Variants in THSD7A observed in about 807,000 individuals in gnomAD.
The protein encoded by THSD7A is thrombospondin type 1 domain containing 7A, also known as thrombospondin type-1 domain-containing protein 7A.
Under a neutral mutation model 231.3 loss-of-function variants are expected in THSD7A, and 96 were observed. That is an observed-to-expected ratio of 0.41 (90% confidence interval 0.35 to 0.49). The LOEUF (loss-of-function observed/expected upper bound fraction) is 0.49. Ranked by LOEUF, THSD7A falls within the 20% of genes least tolerant of loss-of-function variation. The probability of loss-of-function intolerance (pLI) is 0.05; values close to 1 mark genes in which losing one functional copy is unlikely to be tolerated. For synonymous variants in THSD7A, 940 were observed against 743.3 expected (o/e 1.26, Z -4.30); for missense variants, 2,290 against 2,070.2 (o/e 1.11, Z -2.06).
At chr7:11,781,023 A>T (rs1307958500) in intron 1 of THSD7A, among the ~76,000 whole-genome samples, 2 of 146,328 alleles carry the variant, frequency 1.4e-5, no homozygotes, top group African/African-American at 5.1e-5. Context: ...AAAAAAAAAA[A>T]AAAAAAAAAA....
chr7:11,821,431 A>G (rs1441465591), intron 1 of THSD7A: 2 of 291,438 alleles, frequency 6.9e-6, no homozygotes, highest in Non-Finnish European at 1.3e-5. Flanking sequence ...TTAGGCATAT[A>G]TAGTAATATT....
chr7:11,757,519 C>A (rs944067161), intron 1 of THSD7A, among the ~76,000 whole-genome samples: 1 of 151,882 alleles, frequency 6.6e-6, no homozygotes, highest in African/African-American at 2.4e-5. Flanking sequence ...CAGATCTAGC[C>A]CTGTAAATCC....
chr7:11,636,479 G>A lies in THSD7A; in HGVS notation c.673C>T (p.Pro225Ser), dbSNP rs1188725285. Residue 225 changes from proline to serine, a missense_variant, in exon 2 of 28, where the codon CCG becomes TCG. Pro to Ser is a moderately conservative substitution (Grantham distance 74, BLOSUM62 -1). Coordinates refer to ENST00000423059, the MANE Select transcript of THSD7A (RefSeq NM_015204.3). This position sits in a 1 kb window ranked among gnomAD's most constrained non-coding sequence, Gnocchi z 10.0. ...GGACAGCCAGAGCCTCCGAACTGCG[G>A]GGGCGCCACCACATGACGCGTCCGG... ...QHRTRHVVAP[P>S]QFGGSGCPNL... The A allele has an allele frequency of 5.0e-6, 8 of 1,613,714 alleles. No homozygotes were observed. The highest frequency in any genetic ancestry group is 6.8e-6 in the Non-Finnish European group (8 of 1,179,836).
chr7:11,624,141 C>T (rs1360883441), intron 2 of THSD7A, among the ~76,000 whole-genome samples: 1 of 152,058 alleles, frequency 6.6e-6, no homozygotes, highest in Non-Finnish European at 1.5e-5. Flanking sequence ...TGAATTTCCA[C>T]TTGAGTTGAT....
intron 1 of THSD7A, among the ~76,000 whole-genome samples, chr7:11,805,442 C>T (rs182145673): frequency 1.3e-3 from 192 of 152,138 alleles, no homozygotes; most frequent in Admixed American, 7.8e-3. Flanking sequence ...CAAAAATCTA[C>T]ACAGATTTTA....
intron 23 of THSD7A, among the ~76,000 whole-genome samples, chr7:11,395,063 C>A (rs1783128782): frequency 2.0e-5 from 3 of 151,762 alleles, no homozygotes; most frequent in Admixed American, 2.0e-4. Flanking sequence ...GGGCTATATT[C>A]AGGTGACCCA....
rs6960060 is a variant in THSD7A at position 11,581,988 on chromosome 7, G to A, written c.1453+8472C>T. 5.4e-3 allele frequency among the ~76,000 whole-genome samples: 826 copies of A among 152,112 alleles called. 10 individuals are homozygous for A. Among genetic ancestry groups the A allele is most frequent in the African/African-American group, 0.019 (776 of 41,528 alleles). On this transcript the variant is annotated intron_variant, in intron 4 of 27. Coordinates refer to ENST00000423059, the MANE Select transcript of THSD7A (RefSeq NM_015204.3). ...CTTAGTTTGGTCACTGTAAACATTT[G>A]TAATACAGCTGATTTGTCTCTCAGA... is the stretch of plus-strand genomic sequence containing the variant.
chr7:11,593,272 C>G lies in THSD7A; in HGVS notation c.1253G>C (p.Gly418Ala), dbSNP rs567116206. The G allele has an allele frequency of 1.9e-6, 3 of 1,613,980 alleles. No homozygotes were observed. The highest frequency in any genetic ancestry group is 2.2e-5 in the South Asian group (2 of 91,078). Residue 418 changes from glycine to alanine, a missense_variant, in exon 3 of 28, where the codon GGA (glycine) becomes GCA (alanine). Transcript: ENST00000423059. ...EKEPCLSQGD[G>A]VVPCATYGWR... ...TACTCACGTGGCACAGGGGACAACT[C>G]CATCTCCTTGAGACAAACAGGGTTC...
chr7:11,602,714 A>G (rs112973386), intron 2 of THSD7A, among the ~76,000 whole-genome samples: 19 of 152,018 alleles, frequency 1.2e-4, no homozygotes, highest in African/African-American at 4.6e-4. Context: ...TAAGTCTAGA[A>G]TAAGACCTCC....
chr7:11,407,168 T>A, intron 20 of THSD7A, 113 bp from the exon 21 acceptor site: 3 of 1,482,112 alleles, frequency 2.0e-6, no homozygotes, highest in Admixed American at 2.0e-5. Flanking sequence ...CAGGAACAAG[T>A]AAGGCTTAGA....
chr7:11,614,868 T>C (rs1446860483), intron 2 of THSD7A, among the ~76,000 whole-genome samples: 1 of 152,172 alleles, frequency 6.6e-6, no homozygotes, highest in Admixed American at 6.6e-5. Context: ...GTGCAGTGAC[T>C]AATGAGACTT....
rs769484294 is a variant in THSD7A at position 11,590,409 on chromosome 7, A to C, written c.1453+51T>G. On this transcript the variant is annotated intron_variant, in intron 4 of 27. Transcript: ENST00000423059. This position sits in a 1 kb window ranked among gnomAD's most constrained non-coding sequence, Gnocchi z 4.4. ...GTATATATCCCTTCAGAGCAATCAC[A>C]TGCTCAGTCAGTCTTCATAAGTGAA... 1 of 1,553,294 alleles carries C rather than the reference A, an allele frequency of 6.4e-7. No individual in the cohort carries two copies.
At chr7:11,604,039 T>A (rs1315379140) in intron 2 of THSD7A, among the ~76,000 whole-genome samples, 4 of 149,644 alleles carry the variant, frequency 2.7e-5, no homozygotes, top group Non-Finnish European at 4.5e-5. Flanking sequence ...AAAAAAAAAA[T>A]GCCAAAAAAA....
intron 1 of THSD7A, among the ~76,000 whole-genome samples, chr7:11,720,159 A>G (rs1015380187): frequency 6.6e-6 from 1 of 151,680 alleles, no homozygotes; most frequent in African/African-American, 2.4e-5. Flanking sequence ...CTGCCCCTAG[A>G]AATCCTATTT....
chr7:11,830,161 T>C (rs575872739), intron 1 of THSD7A, among the ~76,000 whole-genome samples: 1 of 152,336 alleles, frequency 6.6e-6, no homozygotes, highest in Non-Finnish European at 1.5e-5. Flanking sequence ...AAACTGTTTA[T>C]TGGCTTGTGT....
chr7:11,429,259 G>T, intron 13 of THSD7A, 134 bp from the exon 14 acceptor site: 2 of 770,218 alleles, frequency 2.6e-6, no homozygotes, highest in Non-Finnish European at 3.9e-6. Flanking sequence ...TGTCTCTGTT[G>T]TAAGGGACTT....
intron 1 of THSD7A, among the ~76,000 whole-genome samples, chr7:11,785,504 A>G (rs1247009756): frequency 6.6e-6 from 1 of 152,130 alleles, no homozygotes; most frequent in African/African-American, 2.4e-5. Context: ...GAGGTTTCTC[A>G]TAATATGTGG....
At chr7:11,628,618 A>T (rs112095178) in intron 2 of THSD7A, among the ~76,000 whole-genome samples, 7,404 of 152,124 alleles carry the variant, frequency 0.049, 565 homozygotes, top group African/African-American at 0.16. Context: ...TTGTGACATT[A>T]TTTCTATAAT....
chr7:11,574,257 T>C (rs1562734047), intron 4 of THSD7A, among the ~76,000 whole-genome samples: 3 of 150,192 alleles, frequency 2.0e-5, no homozygotes, highest in Admixed American at 2.0e-4. Context: ...TTTTGGTATA[T>C]AATTTTTCTC....
Sources: gnomAD v4.1 joint callset for allele counts (sites outside exome capture counted in the v4.1 genomes callset) on GRCh38, gnomAD v4.1.1 for gene constraint, Gnocchi (gnomAD v3.1) non-coding constraint, MANE v1.5 for transcripts, NCBI Gene and HGNC (gene_info 2026-07-23, HGNC 2026-07-21) for gene names.